Variants in CNTN6 observed in about 807,000 individuals in gnomAD.
CNTN6 encodes contactin-6.
Under a neutral mutation model 122.8 loss-of-function variants are expected in CNTN6, and 137 were observed. The ratio of observed to expected loss-of-function variants is 1.12; its 90% CI spans 0.97 to 1.29. The LOEUF (loss-of-function observed/expected upper bound fraction) is 1.29. CNTN6 is among the 50% of genes most tolerant of loss of function. The pLI, the probability that CNTN6 is intolerant of heterozygous loss-of-function variation, is 0.00. For missense variants in CNTN6, 1,634 were observed against 1,223.4 expected, an observed-to-expected ratio of 1.34 and a Z score of -5.01; for synonymous variants, 570 against 426.0, an observed-to-expected ratio of 1.34 and a Z score of -4.16.
Position 1,401,532 on chromosome 3 carries a change from T to A in CNTN6, c.2804T>A (p.Val935Asp). 2 of 1,609,996 alleles carry A rather than the reference T, an allele frequency of 1.2e-6. No individual in the cohort carries two copies. The highest frequency in any genetic ancestry group is 1.7e-6 in the Non-Finnish European group (2 of 1,177,374). Residue 935 changes from valine (V) to aspartate (D), a missense_variant, in exon 21 of 23, where the codon GTT (valine) becomes GAT (aspartate). By Grantham distance (152) the Val-to-Asp change is radical (BLOSUM62 -3). Coordinates refer to ENST00000446702, the MANE Select transcript of CNTN6 (RefSeq NM_001289080.2). ...AAAACCATGGAAAATGAGTCTGAAG[T>A]TTTGGGGTACAAGGTGAGTTTTTAG... is the stretch of plus-strand genomic sequence containing the variant. ...HVKTMENESEVLGYKILYRQN... is the reference protein window; with the variant it reads ...HVKTMENESEDLGYKILYRQN...
intron 20 of CNTN6, among the ~76,000 whole-genome samples, chr3:1,387,866 C>T (rs544271729): frequency 1.4e-4 from 22 of 152,304 alleles, no homozygotes; most frequent in East Asian, 1.2e-3. Flanking sequence ...GCTTAAAAAA[C>T]GGCGCACCAC....
chr3:1,096,076 G>A (rs2090508681), intron 1 of CNTN6, among the ~76,000 whole-genome samples: 1 of 152,094 alleles, frequency 6.6e-6, no homozygotes. Context: ...TGCAAGATAC[G>A]TTATCTTTCT....
intron 2 of CNTN6, among the ~76,000 whole-genome samples, chr3:1,188,830 A>C (rs2093662688): frequency 6.6e-6 from 1 of 152,182 alleles, no homozygotes; most frequent in South Asian, 2.1e-4. Context: ...TTCTATTAGA[A>C]ATCTTCCAAT....
At chr3:1,102,891 A>G (rs956676218) in intron 1 of CNTN6, among the ~76,000 whole-genome samples, 34 of 150,762 alleles carry the variant, frequency 2.3e-4, no homozygotes, top group Admixed American at 9.9e-4. Flanking sequence ...GCGGATCACG[A>G]GATCAGGAGA....
chr3:1,378,183 C>A (rs906137213), intron 17 of CNTN6, among the ~76,000 whole-genome samples: 1 of 152,156 alleles, frequency 6.6e-6, no homozygotes, highest in Non-Finnish European at 1.5e-5. Context: ...CAGACACATA[C>A]CCTGCTCCAT....
chr3:1,252,913 G>A (rs1242975396), intron 4 of CNTN6, among the ~76,000 whole-genome samples: 1 of 152,146 alleles, frequency 6.6e-6, no homozygotes, highest in Non-Finnish European at 1.5e-5. Flanking sequence ...AATGTTCTCA[G>A]GGCATTTCCT....
rs1387797014 is a variant in CNTN6 at position 1,372,456 on chromosome 3, T to C, written c.1650T>C (p.His550=). 2 of 1,610,916 alleles carry C rather than the reference T, an allele frequency of 1.2e-6. No individual in the cohort carries two copies. The highest frequency in any genetic ancestry group is 1.1e-5 in the South Asian group (1 of 90,434). The change falls in exon 13 of 23, where the codon CAT becomes CAC. Residue 550 remains histidine, a synonymous_variant. Transcript: ENST00000446702. ...DVIDLKKGVA[H]FERIGGESVG... ...TAGACTTAAAAAAAGGAGTGGCTCA[T>C]TTTGAAAGGATTGGAGGAGTAAGTT...
intron 2 of CNTN6, among the ~76,000 whole-genome samples, chr3:1,150,575 C>A (rs964519943): frequency 5.3e-5 from 8 of 151,968 alleles, no homozygotes; most frequent in Non-Finnish European, 1.2e-4. Flanking sequence ...GTTTTGAGTA[C>A]TTAAAAGTTT....
chr3:1,134,745 A>G (rs1349562980), intron 1 of CNTN6, among the ~76,000 whole-genome samples: 1 of 152,018 alleles, frequency 6.6e-6, no homozygotes, highest in Non-Finnish European at 1.5e-5. Flanking sequence ...AAATGAGACA[A>G]TTTATTTAAG....
intron 12 of CNTN6, among the ~76,000 whole-genome samples, chr3:1,371,809 GAC>G (rs1448526037): frequency 6.6e-6 from 1 of 152,140 alleles, no homozygotes; most frequent in African/African-American, 2.4e-5. Flanking sequence ...CTACGTCAAA[GAC>G]AGAATAATTA....
chr3:1,276,485 T>C (rs541907997), intron 4 of CNTN6, among the ~76,000 whole-genome samples: 2 of 152,362 alleles, frequency 1.3e-5, no homozygotes, highest in African/African-American at 4.8e-5. Context: ...TTAAACCAAA[T>C]GTATTGTACG....
chr3:1,156,462 AAACTC>A lies in CNTN6; in HGVS notation c.55+8407_55+8411del, dbSNP rs574747022. Among the ~76,000 whole-genome samples the A allele has an allele frequency of 2.2e-3, 329 of 152,336 alleles. 3 individuals carry two copies. The Middle Eastern group carries it at 0.024, about 11-fold the overall frequency. On this transcript the variant is annotated intron_variant, in intron 2 of 22. Coordinates refer to ENST00000446702, the MANE Select transcript of CNTN6 (RefSeq NM_001289080.2). ...ATTCTTAGTCTTAAAGGGAAAATAA[AAACTC>A]AACTCAAATATTTGACTCGTTATAC...
At chr3:1,298,242 T>C (rs1468227087) in intron 7 of CNTN6, 1 of 392,144 alleles carries the variant, frequency 2.6e-6, no homozygotes, top group Non-Finnish European at 4.6e-6. Flanking sequence ...AGTTTAAGCA[T>C]AATGAGACCC....
intron 1 of CNTN6, among the ~76,000 whole-genome samples, chr3:1,106,390 G>C (rs956469162): frequency 1.3e-4 from 20 of 152,088 alleles, no homozygotes; most frequent in African/African-American, 4.3e-4. Flanking sequence ...ATTTGACTTT[G>C]GCAGAACATA....
In CNTN6 at chr3:1,292,144, A is replaced by G. The variant is rs1226418704; in HGVS notation, c.455-3457A>G. Reference sequence around the variant, plus strand: ...CCACTGCTATCCTTCTCAAATTTAGACTGTTCTTCATTATATTAAATCTAA... The same window carrying G: ...CCACTGCTATCCTTCTCAAATTTAGGCTGTTCTTCATTATATTAAATCTAA... On this transcript the variant is annotated intron_variant, in intron 5 of 22. Coordinates refer to ENST00000446702, the MANE Select transcript of CNTN6 (RefSeq NM_001289080.2). 2.0e-5 allele frequency among the ~76,000 whole-genome samples: 3 copies of G among 151,992 alleles called. No homozygotes were observed. The East Asian group carries it at 5.8e-4, about 29-fold the overall frequency.
chr3:1,327,506 T>C lies in CNTN6; in HGVS notation c.1133T>C (p.Val378Ala), dbSNP rs1701701532. 1 of 1,611,050 alleles carries C rather than the reference T, an allele frequency of 6.2e-7. No homozygotes were observed. Among genetic ancestry groups the C allele is most frequent in the Non-Finnish European group, 8.5e-7 (1 of 1,178,124 alleles). Residue 378 changes from valine to alanine, a missense_variant, in exon 10 of 23, where the codon GTG becomes GCG. By Grantham distance (64) the Val-to-Ala change is moderately conservative. Coordinates refer to ENST00000446702, the MANE Select transcript of CNTN6 (RefSeq NM_001289080.2). The stretch of plus-strand genomic sequence containing the variant: ...ACACTCATCATAACGATGCTGAATG[T>C]GTCAGATTCTGGTGTGTACCAATGT... Reference protein sequence around the residue: ...NGTLIITMLNVSDSGVYQCAA... With the variant: ...NGTLIITMLNASDSGVYQCAA...
At position 1,151,864 on chromosome 3, in the gene CNTN6, C is replaced by T. The variant is rs951868584; in HGVS notation, c.55+3801C>T. Among the ~76,000 whole-genome samples, 26 of 151,062 alleles carry T rather than the reference C, an allele frequency of 1.7e-4. No individual in the cohort carries two copies. In the Middle Eastern group the frequency reaches 0.01, roughly 60 times the overall value. ...TCACTAATGAAAATGAGGAAAAGAG[C>T]AAATAAAAGAATTTTAAGAAGTCAC... On this transcript the variant is annotated intron_variant, in intron 2 of 22. Transcript: ENST00000446702.
At chr3:1,349,367 C>T (rs1274817175) in intron 11 of CNTN6, among the ~76,000 whole-genome samples, 2 of 151,586 alleles carry the variant, frequency 1.3e-5, no homozygotes, top group Admixed American at 1.3e-4. Flanking sequence ...TTACAGATAG[C>T]CAAGCTTATC....
chr3:1,239,487 A>G (rs2094457540), intron 4 of CNTN6, among the ~76,000 whole-genome samples: 1 of 152,212 alleles, frequency 6.6e-6, no homozygotes, highest in Admixed American at 6.5e-5. Context: ...GACCTCTACA[A>G]GGAAAACTAT....
Sources: gnomAD v4.1 joint callset for allele counts (sites outside exome capture counted in the v4.1 genomes callset) on GRCh38, gnomAD v4.1.1 for gene constraint, MANE v1.5 for transcripts, NCBI Gene and HGNC (gene_info 2026-07-23, HGNC 2026-07-21) for gene names.